Variants in CLSTN2 observed in about 807,000 individuals in gnomAD.
The protein encoded by CLSTN2 is calsyntenin 2.
CLSTN2 carries 48 observed loss-of-function variants against 101.2 expected under a neutral mutation model. The ratio of observed to expected loss-of-function variants is 0.47; its 90% CI spans 0.38 to 0.60. The LOEUF is 0.60. CLSTN2 is among the 20% of genes least tolerant of loss of function. The pLI, the probability that CLSTN2 is intolerant of heterozygous loss-of-function variation, is 0.00. For missense variants in CLSTN2, 1,160 were observed against 1,238.2 expected (o/e 0.94, Z 0.95); for synonymous variants, 481 against 463.6 (o/e 1.04, Z -0.48).
intron 1 of CLSTN2, among the ~76,000 whole-genome samples, chr3:140,042,316 G>A (rs1037407452): frequency 2.0e-5 from 3 of 152,066 alleles, no homozygotes; most frequent in East Asian, 1.9e-4. Context: ...GCGCATAAAT[G>A]GAATTAGAAA....
intron 8 of CLSTN2, among the ~76,000 whole-genome samples, chr3:140,531,450 A>G (rs1935253063): frequency 6.6e-6 from 1 of 152,154 alleles, no homozygotes; most frequent in African/African-American, 2.4e-5. Flanking sequence ...TGATGCCCTC[A>G]CCTTGGGGTC....
rs982860028 is a variant in CLSTN2 at position 140,448,566 on chromosome 3, C to T, written c.835C>T (p.Leu279=). ...CCAGCCTGGCTCCGGGAGCATGCCC[C>T]TGTTCCCCAGCATCCACCTGGAGAC... ...EYQPGSGSMP[L]FPSIHLETCD... The change falls in exon 6 of 17, where the codon CTG becomes TTG. Residue 279 remains leucine, a synonymous_variant. Transcript: ENST00000458420. 6.2e-7 allele frequency: 1 copy of T among 1,614,140 alleles called. No homozygotes were observed. Among genetic ancestry groups the T allele is most frequent in the African/African-American group, 1.3e-5 (1 of 75,042 alleles).
intron 8 of CLSTN2, chr3:140,506,900 T>C (rs971203917): frequency 1.1e-4 from 16 of 152,230 alleles, no homozygotes; most frequent in African/African-American, 3.9e-4. Flanking sequence ...ATGGCTATAT[T>C]GGACTAAAGT....
At chr3:140,557,604 AG>A (rs1309000518) in intron 11 of CLSTN2, among the ~76,000 whole-genome samples, 3 of 152,138 alleles carry the variant, frequency 2.0e-5, no homozygotes, top group Non-Finnish European at 4.4e-5. Flanking sequence ...AACTGGGAAG[AG>A]GAGGAGGCCA....
At chr3:140,384,453 T>G (rs989309732) in intron 2 of CLSTN2, among the ~76,000 whole-genome samples, 9 of 152,194 alleles carry the variant, frequency 5.9e-5, no homozygotes, top group African/African-American at 2.2e-4. Context: ...CTGTGGGGGT[T>G]GTCAGCAGTA....
intron 8 of CLSTN2, among the ~76,000 whole-genome samples, chr3:140,529,603 T>A (rs1296453994): frequency 6.6e-6 from 1 of 152,254 alleles, no homozygotes; most frequent in African/African-American, 2.4e-5. Flanking sequence ...AATGTAGGTC[T>A]CTTCCTGATC....
At chr3:140,090,686 C>G (rs1246371508) in intron 1 of CLSTN2, among the ~76,000 whole-genome samples, 1 of 152,044 alleles carries the variant, frequency 6.6e-6, no homozygotes, top group Non-Finnish European at 1.5e-5. Context: ...TGGGCTACAC[C>G]AGCCAGGAAA....
At chr3:140,296,470 T>C (rs1017432415) in intron 2 of CLSTN2, among the ~76,000 whole-genome samples, 15 of 152,222 alleles carry the variant, frequency 9.9e-5, no homozygotes, top group Non-Finnish European at 1.9e-4. Flanking sequence ...TTCAATTTCA[T>C]ATTTCTTTGA....
intron 2 of CLSTN2, among the ~76,000 whole-genome samples, chr3:140,350,699 G>A (rs1406367015): frequency 1.3e-5 from 2 of 152,202 alleles, no homozygotes; most frequent in Non-Finnish European, 2.9e-5. Flanking sequence ...TAGATGGCAT[G>A]CATGTAATGA....
chr3:140,269,062 T>C (rs1275948437), intron 2 of CLSTN2, among the ~76,000 whole-genome samples: 1 of 152,194 alleles, frequency 6.6e-6, no homozygotes, highest in African/African-American at 2.4e-5. Flanking sequence ...TCTTGTCTTC[T>C]TGCTTCTCTC....
intron 8 of CLSTN2, among the ~76,000 whole-genome samples, chr3:140,526,045 C>G (rs1353037791): frequency 6.6e-6 from 1 of 152,126 alleles, no homozygotes; most frequent in Non-Finnish European, 1.5e-5. Context: ...CTCACCACAC[C>G]TATTCAACAT....
intron 2 of CLSTN2, among the ~76,000 whole-genome samples, chr3:140,381,275 T>C (rs2087979633): frequency 6.6e-6 from 1 of 151,410 alleles, no homozygotes; most frequent in South Asian, 2.1e-4. Flanking sequence ...TACATAGTCA[T>C]ATTGGATTAG....
intron 2 of CLSTN2, among the ~76,000 whole-genome samples, chr3:140,277,064 T>C (rs561917111): frequency 1.3e-5 from 2 of 152,176 alleles, no homozygotes; most frequent in African/African-American, 2.4e-5. Flanking sequence ...AGCTCCTCCA[T>C]GTAATTTGTA....
chr3:140,273,887 G>T (rs1445252139), intron 2 of CLSTN2, among the ~76,000 whole-genome samples: 1 of 152,090 alleles, frequency 6.6e-6, no homozygotes, highest in East Asian at 1.9e-4. Flanking sequence ...TGGGGACCTG[G>T]CTCAATTTCA....
intron 2 of CLSTN2, among the ~76,000 whole-genome samples, chr3:140,318,273 A>G (rs1317525101): frequency 6.6e-6 from 1 of 152,210 alleles, no homozygotes; most frequent in African/African-American, 2.4e-5. Context: ...GACACAGGGA[A>G]GGGAGCATGA....
At chr3:140,206,633 A>C (rs1053019372) in intron 2 of CLSTN2, among the ~76,000 whole-genome samples, 1 of 152,186 alleles carries the variant, frequency 6.6e-6, no homozygotes, top group African/African-American at 2.4e-5. Flanking sequence ...CTTTTAAATA[A>C]TGAAGTATCT....
intron 8 of CLSTN2, among the ~76,000 whole-genome samples, chr3:140,530,750 T>G (rs376744225): frequency 5.3e-5 from 8 of 152,182 alleles, no homozygotes; most frequent in African/African-American, 1.9e-4. Context: ...AAGTGCTGTC[T>G]GGTTGGTTCT....
intron 1 of CLSTN2, among the ~76,000 whole-genome samples, chr3:139,945,408 C>G (rs1935200666): frequency 6.6e-6 from 1 of 152,220 alleles, no homozygotes; most frequent in Non-Finnish European, 1.5e-5. Context: ...CTTACAAAAA[C>G]AAGGTGATCA....
chr3:140,511,329 A>G (rs1163900089), intron 8 of CLSTN2, among the ~76,000 whole-genome samples: 4 of 152,166 alleles, frequency 2.6e-5, no homozygotes, highest in South Asian at 2.1e-4. Flanking sequence ...CAGTGAACGT[A>G]CACGTGCTTG....
Sources: allele counts gnomAD v4.1 joint callset (sites outside exome capture counted in the v4.1 genomes callset), GRCh38; gene constraint gnomAD v4.1.1; transcripts MANE v1.5; gene names NCBI Gene and HGNC (gene_info 2026-07-23, HGNC 2026-07-21).